The following SSBP3 variants were observed in gnomAD, a reference collection of about 807,000 sequenced individuals.
SSBP3 encodes single stranded DNA binding protein 3, also known as single-stranded DNA-binding protein 3.
SSBP3 carries 5 observed loss-of-function variants against 69.6 expected under a neutral mutation model. The observed-to-expected ratio is 0.07, with a 90% CI of 0.04 to 0.15. The LOEUF is 0.15. Ranked by LOEUF, SSBP3 falls within the 10% of genes least tolerant of loss-of-function variation. The pLI is 1.00. For synonymous variants in SSBP3, 196 were observed against 193.4 expected (o/e 1.01, Z -0.11); for missense variants, 312 against 534.0 (o/e 0.58, Z 4.10).
At chr1:54,372,570 A>G (rs1175242837) in intron 4 of SSBP3, among the ~76,000 whole-genome samples, 4 of 152,112 alleles carry the variant, frequency 2.6e-5, no homozygotes, top group South Asian at 2.1e-4. Flanking sequence ...ACAACAATCA[A>G]CACAATCCTG....
intron 3 of SSBP3, 62 bp from the exon 4 acceptor site, chr1:54,402,007 A>C (rs1649339666): frequency 2.1e-6 from 3 of 1,429,030 alleles, no homozygotes; most frequent in Admixed American, 1.7e-5. Context: ...CACAAGGGCA[A>C]GTGCACGATG....
intron 5 of SSBP3, among the ~76,000 whole-genome samples, chr1:54,273,989 T>C (rs551954688): frequency 1.2e-4 from 18 of 152,332 alleles, no homozygotes; most frequent in African/African-American, 4.1e-4. Context: ...CTTCTGTCAG[T>C]CTGGAGGCGG....
intron 4 of SSBP3, among the ~76,000 whole-genome samples, chr1:54,399,768 GAC>G (rs933193516): frequency 2.0e-5 from 3 of 152,088 alleles, no homozygotes; most frequent in African/African-American, 7.2e-5. Context: ...ACTGGAGAAA[GAC>G]AAAAAGAAAA....
At position 54,261,755 on chromosome 1, in the gene SSBP3, T is replaced by C. The variant is rs543836191; in HGVS notation, c.367-3606A>G. 2.0e-5 allele frequency among the ~76,000 whole-genome samples: 3 copies of C among 152,230 alleles called. No individual in the cohort carries two copies. The South Asian group carries it at 6.2e-4, about 32-fold the overall frequency. ...GTTCCAGAGGCTGCCTAATTAACCT[T>C]CCAGGGATGCGGTGGATCAGGGCAG... On this transcript the variant is annotated intron_variant, in intron 5 of 17. Transcript: ENST00000610401.
At chr1:54,334,284 G>A (rs1044186679) in intron 4 of SSBP3, among the ~76,000 whole-genome samples, 1 of 150,752 alleles carries the variant, frequency 6.6e-6, no homozygotes, top group Non-Finnish European at 1.5e-5. Flanking sequence ...CCCGGGAGGC[G>A]GAGGTTGAAG....
At chr1:54,303,107 C>T (rs899572068) in intron 4 of SSBP3, among the ~76,000 whole-genome samples, 15 of 152,178 alleles carry the variant, frequency 9.9e-5, no homozygotes, top group African/African-American at 3.6e-4. Flanking sequence ...GAGACAAGAG[C>T]GAGGCACACC....
intron 4 of SSBP3, among the ~76,000 whole-genome samples, chr1:54,385,212 G>T (rs762583374): frequency 6.6e-6 from 1 of 152,216 alleles, no homozygotes; most frequent in African/African-American, 2.4e-5. Context: ...TTTGGGGACA[G>T]GGAGCAGGAT....
At chr1:54,304,019 C>A (rs78978972) in intron 4 of SSBP3, among the ~76,000 whole-genome samples, 2 of 152,154 alleles carry the variant, frequency 1.3e-5, no homozygotes, top group Non-Finnish European at 2.9e-5. Flanking sequence ...TGATGGGTAG[C>A]ACGGAGACAG....
At chr1:54,229,832 C>G (rs1337026314) in intron 14 of SSBP3, among the ~76,000 whole-genome samples, 1 of 152,198 alleles carries the variant, frequency 6.6e-6, no homozygotes, top group East Asian at 1.9e-4. Context: ...TGAGTCACAC[C>G]TGAGCCCCAG....
At chr1:54,395,862 A>G (rs1648825371) in intron 4 of SSBP3, among the ~76,000 whole-genome samples, 1 of 152,092 alleles carries the variant, frequency 6.6e-6, no homozygotes, top group African/African-American at 2.4e-5. Context: ...ACACAGACAC[A>G]AACACTGCTA....
chr1:54,336,492 A>C (rs1157475448), intron 4 of SSBP3, among the ~76,000 whole-genome samples: 9 of 152,132 alleles, frequency 5.9e-5, no homozygotes, highest in Non-Finnish European at 7.4e-5. Context: ...GGGGAGAGCC[A>C]GCACTGTCCA....
intron 5 of SSBP3, among the ~76,000 whole-genome samples, chr1:54,262,538 A>G (rs11581298): frequency 0.41 from 62,413 of 152,046 alleles, 12,972 homozygotes; most frequent in South Asian, 0.48. Flanking sequence ...GGCACATCAG[A>G]CTTGTCCTGA....
chr1:54,401,356 A>G (rs1649278718), intron 4 of SSBP3, among the ~76,000 whole-genome samples: 1 of 151,844 alleles, frequency 6.6e-6, no homozygotes, highest in Admixed American at 6.6e-5. Context: ...TAGCAGATAC[A>G]GTATGAGCCC....
At chr1:54,392,175 T>C (rs1331159628) in intron 4 of SSBP3, among the ~76,000 whole-genome samples, 1 of 151,770 alleles carries the variant, frequency 6.6e-6, no homozygotes, top group Non-Finnish European at 1.5e-5. Flanking sequence ...GAGACAACGG[T>C]ACCAAGTGCC....
At chr1:54,256,071 G>A (rs1410396231) in intron 7 of SSBP3, among the ~76,000 whole-genome samples, 10 of 150,896 alleles carry the variant, frequency 6.6e-5, no homozygotes, top group East Asian at 1.9e-4. Context: ...GCGAGACTCC[G>A]GTTAAAAAAA....
At chr1:54,275,350 G>C (rs1428589404) in intron 5 of SSBP3, among the ~76,000 whole-genome samples, 1 of 152,236 alleles carries the variant, frequency 6.6e-6, no homozygotes, top group East Asian at 1.9e-4. Flanking sequence ...AAGCAAACAA[G>C]GTGGTTTAAT....
chr1:54,361,456 C>T (rs11799823), intron 4 of SSBP3, among the ~76,000 whole-genome samples: 6,704 of 152,060 alleles, frequency 0.044, 333 homozygotes, highest in African/African-American at 0.12. Flanking sequence ...AGAGCCCTTC[C>T]GAAGCTGCAG....
At chr1:54,250,685 C>T (rs1644812737) in intron 9 of SSBP3, among the ~76,000 whole-genome samples, 1 of 152,306 alleles carries the variant, frequency 6.6e-6, no homozygotes, top group South Asian at 2.1e-4. Flanking sequence ...CACCTGAGAA[C>T]AAGCCCCTTG....
At chr1:54,250,197 C>T (rs912859418) in intron 9 of SSBP3, among the ~76,000 whole-genome samples, 4 of 152,178 alleles carry the variant, frequency 2.6e-5, no homozygotes, top group African/African-American at 7.2e-5. Flanking sequence ...AGCAGAAACG[C>T]GAACTTTGGA....
Sources: gnomAD v4.1 joint callset for allele counts (sites outside exome capture counted in the v4.1 genomes callset) on GRCh38, gnomAD v4.1.1 for gene constraint, MANE v1.5 for transcripts, NCBI Gene and HGNC (gene_info 2026-07-23, HGNC 2026-07-21) for gene names.